PCDH15: variants seen among roughly 807,000 people sequenced by gnomAD.
PCDH15 encodes the protein protocadherin related 15, also known as protocadherin-15.
A neutral mutation model predicts 178.5 loss-of-function variants in PCDH15; 129 were observed. The ratio of observed to expected loss-of-function variants is 0.72; its 90% CI spans 0.63 to 0.84. The LOEUF (loss-of-function observed/expected upper bound fraction) is 0.84. PCDH15 is among the 40% of genes least tolerant of loss of function. The probability of loss-of-function intolerance (pLI) is 0.00; values close to 1 mark genes in which losing one functional copy is unlikely to be tolerated. For synonymous variants in PCDH15, 800 were observed against 732.0 expected (o/e 1.09, Z -1.50); for missense variants, 2,230 against 2,099.9 (o/e 1.06, Z -1.21).
intron 1 of PCDH15, among the ~76,000 whole-genome samples, chr10:54,798,630 G>A (rs867846221): frequency 2.6e-5 from 4 of 152,138 alleles, no homozygotes; most frequent in East Asian, 1.9e-4. Context: ...TCTTAAAATA[G>A]AGTCTGAAGT....
At chr10:54,825,162 T>C (rs1261920623) in intron 3 of PCDH15, among the ~76,000 whole-genome samples, 1 of 152,046 alleles carries the variant, frequency 6.6e-6, no homozygotes, top group Non-Finnish European at 1.5e-5. Flanking sequence ...CTGAGAATGA[T>C]GGTTTCCAGC....
intron 2 of PCDH15, among the ~76,000 whole-genome samples, chr10:54,593,368 C>T (rs954360883): frequency 5.3e-5 from 8 of 151,964 alleles, no homozygotes; most frequent in Middle Eastern, 3.4e-3. Flanking sequence ...GTGGTAAGAG[C>T]TTATCTTCAT....
At chr10:55,153,933 C>T (rs1472227771) in intron 2 of PCDH15, among the ~76,000 whole-genome samples, 1 of 152,176 alleles carries the variant, frequency 6.6e-6, no homozygotes, top group Non-Finnish European at 1.5e-5. Flanking sequence ...GATGGAAACA[C>T]ATTTAAACAT....
intron 13 of PCDH15, among the ~76,000 whole-genome samples, chr10:54,171,646 T>C (rs2046920509): frequency 1.3e-5 from 2 of 152,080 alleles, no homozygotes; most frequent in Admixed American, 6.6e-5. Context: ...CTCTTAACTC[T>C]TGAAGTAAAT....
intron 1 of PCDH15, among the ~76,000 whole-genome samples, chr10:55,207,262 T>C (rs1403188259): frequency 1.3e-5 from 2 of 152,126 alleles, no homozygotes; most frequent in Non-Finnish European, 2.9e-5. Context: ...GGAACTTGTA[T>C]GCCATATGTT....
chr10:54,405,205 A>G (rs1446597709), intron 3 of PCDH15, among the ~76,000 whole-genome samples: 1 of 152,136 alleles, frequency 6.6e-6, no homozygotes, highest in Non-Finnish European at 1.5e-5. Flanking sequence ...ATGCATGTAA[A>G]TGTTCATTGT....
chr10:55,141,672 T>C (rs1393468809), intron 2 of PCDH15, among the ~76,000 whole-genome samples: 1 of 152,066 alleles, frequency 6.6e-6, no homozygotes, highest in Non-Finnish European at 1.5e-5. Flanking sequence ...TTAAAATAAT[T>C]TGAAATAAGT....
intron 13 of PCDH15, among the ~76,000 whole-genome samples, chr10:54,157,589 C>G (rs1028340570): frequency 6.6e-6 from 1 of 152,162 alleles, no homozygotes; most frequent in Non-Finnish European, 1.5e-5. Flanking sequence ...CTCTGACATG[C>G]CCTGGAGATA....
At chr10:54,762,282 T>A (rs2133156107) in intron 1 of PCDH15, among the ~76,000 whole-genome samples, 1 of 152,002 alleles carries the variant, frequency 6.6e-6, no homozygotes, top group South Asian at 2.1e-4. Context: ...CAAGAAAAAA[T>A]TTGCTGGAGA....
chr10:54,094,438 G>A lies in PCDH15; in HGVS notation c.1918-4375C>T, dbSNP rs371411593. 5.1e-4 allele frequency among the ~76,000 whole-genome samples: 78 copies of A among 152,236 alleles called. No individual in the cohort carries two copies. The South Asian group carries it at 0.014, about 28-fold the overall frequency. On this transcript the variant is annotated intron_variant, in intron 15 of 37. Coordinates refer to ENST00000644397, the MANE Select transcript of PCDH15 (RefSeq NM_001384140.1). ...AAATGTGAAATTTTGGCAAATGCTT[G>A]TAAAAGGTGAAAGAGTAAGTCACGT...
At chr10:54,173,749 T>A (rs1471664401) in intron 13 of PCDH15, among the ~76,000 whole-genome samples, 1 of 152,106 alleles carries the variant, frequency 6.6e-6, no homozygotes, top group Admixed American at 6.6e-5. Context: ...AAATTGACAA[T>A]AATTTTATTC....
chr10:54,776,541 TA>T (rs1427530456), intron 1 of PCDH15, among the ~76,000 whole-genome samples: 1 of 152,192 alleles, frequency 6.6e-6, no homozygotes. Flanking sequence ...CTGTATTTTA[TA>T]AAATGTCTTC....
intron 8 of PCDH15, among the ~76,000 whole-genome samples, chr10:54,298,031 T>A (rs1344581148): frequency 1.3e-5 from 2 of 152,074 alleles, no homozygotes; most frequent in African/African-American, 4.8e-5. Flanking sequence ...TCAACTCAGA[T>A]CCTGGGGACT....
chr10:54,027,006 GT>G (rs1377707561), intron 18 of PCDH15, among the ~76,000 whole-genome samples: 4 of 147,238 alleles, frequency 2.7e-5, no homozygotes, highest in African/African-American at 1.0e-4. Context: ...AATTGTCCCT[GT>G]TTGCAGACGA....
intron 2 of PCDH15, among the ~76,000 whole-genome samples, chr10:55,609,184 T>C (rs1238273382): frequency 6.6e-6 from 1 of 152,078 alleles, no homozygotes; most frequent in African/African-American, 2.4e-5. Flanking sequence ...GTAATTCTTA[T>C]ATGTGCAAAA....
chr10:55,492,615 G>T (rs1840442709), intron 2 of PCDH15, among the ~76,000 whole-genome samples: 1 of 151,730 alleles, frequency 6.6e-6, no homozygotes, highest in Non-Finnish European at 1.5e-5. Flanking sequence ...TCTCAATAAT[G>T]ACTCAATGTA....
intron 21 of PCDH15, among the ~76,000 whole-genome samples, chr10:53,968,597 A>C (rs1340433727): frequency 1.3e-5 from 2 of 152,194 alleles, no homozygotes; most frequent in Non-Finnish European, 2.9e-5. Flanking sequence ...TGGGAGACAC[A>C]TCCCAGTAGA....
intron 8 of PCDH15, among the ~76,000 whole-genome samples, chr10:54,299,565 C>T (rs150936743): frequency 0.038 from 5,792 of 152,288 alleles, 151 homozygotes; most frequent in Non-Finnish European, 0.058. Flanking sequence ...CCATAGCCTT[C>T]CTATCAAAAA....
rs773198164 is a variant in PCDH15, at chr10:54,236,860, T to C, written c.948A>G (p.Pro316=). 7 of 1,613,604 alleles carry C rather than the reference T, an allele frequency of 4.3e-6. No individual in the cohort carries two copies. In the African/African-American group the frequency reaches 8.0e-5, roughly 18 times the overall value. Residue 316 remains proline, a synonymous_variant, in exon 9 of 38, where the codon CCA becomes CCG. Coordinates refer to ENST00000644397, the MANE Select transcript of PCDH15 (RefSeq NM_001384140.1). ...AATAGAGGATTCCTGGCCTATCTGATGGCGGTTGAATATTCCGGTCCTGAT... is the reference window on the plus strand; with the variant it reads ...AATAGAGGATTCCTGGCCTATCTGACGGCGGTTGAATATTCCGGTCCTGAT... ...AIDQDRNIQP[P]SDRPGILYSI...
Sources: allele counts gnomAD v4.1 joint callset (sites outside exome capture counted in the v4.1 genomes callset), GRCh38; gene constraint gnomAD v4.1.1; transcripts MANE v1.5; gene names NCBI Gene and HGNC (gene_info 2026-07-23, HGNC 2026-07-21).